Variants in SDK2 observed in about 807,000 individuals in gnomAD.
SDK2 encodes the protein sidekick cell adhesion molecule 2, also known as protein sidekick-2.
Under a neutral mutation model 253.9 loss-of-function variants are expected in SDK2, and 105 were observed. The ratio of observed to expected loss-of-function variants is 0.41; its 90% CI spans 0.35 to 0.49. The LOEUF is 0.49. Ranked by LOEUF, SDK2 falls within the 20% of genes least tolerant of loss-of-function variation. SDK2 has a pLI of 0.06. For missense variants in SDK2, 2,608 were observed against 3,003.0 expected (o/e 0.87, Z 3.07); for synonymous variants, 1,249 against 1,234.9 (o/e 1.01, Z -0.24).
At chr17:73,581,052 GT>G (rs55920887) in intron 1 of SDK2, among the ~76,000 whole-genome samples, 7 of 149,026 alleles carry the variant, frequency 4.7e-5, no homozygotes, top group Non-Finnish European at 6.0e-5. Context: ...GTATTTTTTG[GT>G]TTTTTTTTTC....
At chr17:73,445,042 G>A (rs145686450) in intron 5 of SDK2, among the ~76,000 whole-genome samples, 1 of 152,286 alleles carries the variant, frequency 6.6e-6, no homozygotes, top group East Asian at 1.9e-4. Context: ...AGCATGTACG[G>A]AACAACTTAT....
intron 39 of SDK2, among the ~76,000 whole-genome samples, chr17:73,359,277 C>G (rs527865371): frequency 3.3e-5 from 5 of 152,176 alleles, no homozygotes; most frequent in Non-Finnish European, 7.4e-5. Context: ...CCTTACACAG[C>G]CTGGCAACCC....
chr17:73,604,403 C>A (rs545210994), intron 1 of SDK2, among the ~76,000 whole-genome samples: 1 of 152,362 alleles, frequency 6.6e-6, no homozygotes, highest in South Asian at 2.1e-4. Context: ...ACTCGGGATA[C>A]CCCTGGTTTG....
Position 73,496,126 on chromosome 17 carries a change from G to C in SDK2, c.224+11312C>G, listed in dbSNP as rs1650402125. On this transcript the variant is annotated intron_variant, in intron 2 of 44. Coordinates refer to ENST00000392650, the MANE Select transcript of SDK2 (RefSeq NM_001144952.2). This position sits in a 1 kb window ranked among gnomAD's most constrained non-coding sequence, Gnocchi z 4.7. ...GAATGAGGTGGGAGGAGCCTGCCCT[G>C]CTGGGTGGGAGTCAGCGTCATGCCC... Among the ~76,000 whole-genome samples the C allele has an allele frequency of 1.3e-5, 2 of 152,198 alleles. No homozygotes were observed. The highest frequency in any genetic ancestry group is 1.3e-4 in the Admixed American group (2 of 15,280).
intron 2 of SDK2, among the ~76,000 whole-genome samples, chr17:73,500,621 C>T (rs2063882879): frequency 6.9e-6 from 1 of 144,590 alleles, no homozygotes; most frequent in South Asian, 2.2e-4. Flanking sequence ...CCTCCATCCT[C>T]TCTCCATCTT....
At chr17:73,550,992 C>T (rs988592889) in intron 1 of SDK2, among the ~76,000 whole-genome samples, 3 of 152,132 alleles carry the variant, frequency 2.0e-5, no homozygotes, top group African/African-American at 7.2e-5. Flanking sequence ...TCAGTGCTTC[C>T]CACTGGCCAA....
At chr17:73,545,253 C>G (rs976254060) in intron 1 of SDK2, among the ~76,000 whole-genome samples, 1 of 152,070 alleles carries the variant, frequency 6.6e-6, no homozygotes, top group African/African-American at 2.4e-5. Context: ...CTGCTGGACT[C>G]GCTCAACCCC....
chr17:73,430,499 C>T lies in SDK2; in HGVS notation c.1583+12G>A, dbSNP rs374925795. The T allele has an allele frequency of 1.8e-5, 28 of 1,593,480 alleles. No individual in the cohort carries two copies. The highest frequency in any genetic ancestry group is 2.4e-5 in the Non-Finnish European group (28 of 1,166,612). ...CTCCCCTCTTGCCTGGAGTCAACAGCAGAGCCAGTACCTGATGGTTACTCG... is the reference window on the plus strand; with the variant it reads ...CTCCCCTCTTGCCTGGAGTCAACAGTAGAGCCAGTACCTGATGGTTACTCG... On this transcript the variant is annotated intron_variant, in intron 12 of 44. Coordinates refer to ENST00000392650, the MANE Select transcript of SDK2 (RefSeq NM_001144952.2).
intron 2 of SDK2, among the ~76,000 whole-genome samples, chr17:73,477,367 G>A (rs1794727320): frequency 6.6e-6 from 1 of 152,138 alleles, no homozygotes; most frequent in Non-Finnish European, 1.5e-5. Flanking sequence ...CAGGGCCGGA[G>A]CTGAAGGGTC....
At chr17:73,466,680 C>T (rs775284050) in intron 3 of SDK2, among the ~76,000 whole-genome samples, 18 of 145,748 alleles carry the variant, frequency 1.2e-4, no homozygotes, top group Non-Finnish European at 1.8e-4. Context: ...CACAATGGCA[C>T]AGCAGGATGG....
intron 30 of SDK2, 37 bp from the exon 31 acceptor site, chr17:73,386,585 T>C: frequency 2.1e-6 from 3 of 1,424,562 alleles, no homozygotes; most frequent in Non-Finnish European, 2.9e-6. Context: ...GCCAAGGTGC[T>C]CCTTAAAGGC....
intron 18 of SDK2, among the ~76,000 whole-genome samples, chr17:73,402,990 G>A (rs888170569): frequency 3.3e-5 from 5 of 151,890 alleles, no homozygotes; most frequent in African/African-American, 7.3e-5. Flanking sequence ...TAGAGATGGG[G>A]GTTTCACCAT....
In SDK2 at chr17:73,358,168, C is replaced by T. The variant is rs762478016; in HGVS notation, c.5504G>A (p.Arg1835Gln). 17 of 1,610,422 alleles carry T rather than the reference C, an allele frequency of 1.1e-5. No individual in the cohort carries two copies. The highest frequency in any genetic ancestry group is 1.7e-4 in the Middle Eastern group (1 of 6,026). Reference sequence around the variant, plus strand: ...GTGAATGGCGATGGCAGAGCTGTACCGCACGATGATGGGCACGCCAGGCGG... The same window carrying T: ...GTGAATGGCGATGGCAGAGCTGTACTGCACGATGATGGGCACGCCAGGCGG... ...PGPPGVPIIV[R>Q]YSSAIAIHWS... The change falls in exon 40 of 45, where the codon CGG (arginine) becomes CAG (glutamine). Residue 1835 changes from arginine (R) to glutamine (Q), a missense_variant. Arg to Gln is a conservative substitution (Grantham distance 43). Around this residue, in one of 2 missense-constraint regions of SDK2, gnomAD observed 1,103 missense variants for 1,143.9 expected, o/e 0.96. Transcript: ENST00000392650.
In SDK2 at chr17:73,481,991, T is replaced by A. The variant is rs917961474; in HGVS notation, c.225-9773A>T. 6.6e-6 allele frequency among the ~76,000 whole-genome samples: 1 copy of A among 152,106 alleles called. No homozygotes were observed. The highest frequency in any genetic ancestry group is 1.5e-5 in the Non-Finnish European group (1 of 68,022). On this transcript the variant is annotated intron_variant, in intron 2 of 44. Transcript: ENST00000392650. This position sits in a 1 kb window ranked among gnomAD's most constrained non-coding sequence, Gnocchi z 4.5. ...TACACCGACCGTAGAATATGGGAGA[T>A]AGGCCGGGTGTGGTGGCTCACGCCT...
rs1461782311 is a variant in SDK2, at chr17:73,379,706, G to A, written c.4763-157C>T. ...TGCATGAAGGAGGAGGTGAGAGGCG[G>A]GGCCCCCAGGGGACGCTCTGTGCCA... On this transcript the variant is annotated intron_variant, in intron 34 of 44. Coordinates refer to ENST00000392650, the MANE Select transcript of SDK2 (RefSeq NM_001144952.2). The surrounding 1 kb of genome is among the most constrained non-coding windows in gnomAD (Gnocchi z 4.5). Among the ~76,000 whole-genome samples, 1 of 152,108 alleles carries A rather than the reference G, an allele frequency of 6.6e-6. No individual in the cohort carries two copies. The highest frequency in any genetic ancestry group is 1.5e-5 in the Non-Finnish European group (1 of 67,998).
chr17:73,410,400 G>A (rs2063116016), intron 18 of SDK2, among the ~76,000 whole-genome samples: 1 of 152,120 alleles, frequency 6.6e-6, no homozygotes. Flanking sequence ...TGCAATGTCC[G>A]CCTCCTGGGT....
At chr17:73,369,080 G>A in intron 36 of SDK2, 1 of 429,000 alleles carries the variant, frequency 2.3e-6, no homozygotes, top group Non-Finnish European at 5.0e-6. Context: ...TCACAGCCAA[G>A]ACCCTGGTCT....
intron 44 of SDK2, among the ~76,000 whole-genome samples, chr17:73,345,000 T>C (rs762221244): frequency 7.7e-4 from 117 of 152,206 alleles, no homozygotes; most frequent in Non-Finnish European, 1.5e-3. Context: ...TGGTGCTTTA[T>C]CTGCCTCTGC....
At chr17:73,537,862 A>T (rs952327405) in intron 1 of SDK2, among the ~76,000 whole-genome samples, 8 of 152,194 alleles carry the variant, frequency 5.3e-5, no homozygotes, top group Non-Finnish European at 8.8e-5. Flanking sequence ...AAAATAAAAA[A>T]TGACACCGCG....
Sources: allele counts gnomAD v4.1 joint callset (sites outside exome capture counted in the v4.1 genomes callset), GRCh38; gene constraint gnomAD v4.1.1; regional missense constraint gnomAD v4.1.1; non-coding constraint Gnocchi (gnomAD v3.1); transcripts MANE v1.5; gene names NCBI Gene and HGNC (gene_info 2026-07-23, HGNC 2026-07-21).